The following RSRC1 variants were observed in gnomAD, a reference collection of about 807,000 sequenced individuals.
The protein encoded by RSRC1 is arginine and serine rich coiled-coil 1, also known as serine/Arginine-related protein 53.
In RSRC1, 39 loss-of-function variants were observed where a neutral mutation model predicts 49.1. That is an observed-to-expected ratio of 0.79 (90% CI 0.61 to 1.04). The LOEUF (loss-of-function observed/expected upper bound fraction) is 1.04, where lower values mean the gene tolerates loss of function less well. Ranked by LOEUF, RSRC1 falls within the 50% of genes least tolerant of loss-of-function variation. RSRC1 has a pLI of 0.00. For synonymous variants in RSRC1, 143 were observed against 130.8 expected, an observed-to-expected ratio of 1.09 and a Z score of -0.63; for missense variants, 388 against 402.4, an observed-to-expected ratio of 0.96 and a Z score of 0.31.
intron 5 of RSRC1, among the ~76,000 whole-genome samples, chr3:158,352,560 A>G (rs563931169): frequency 7.7e-4 from 118 of 152,304 alleles, no homozygotes; most frequent in African/African-American, 2.7e-3. Context: ...GGATTTTTCT[A>G]TTAAAGGACA....
chr3:158,147,869 T>A (rs1415045011), intron 3 of RSRC1, among the ~76,000 whole-genome samples: 2 of 152,148 alleles, frequency 1.3e-5, no homozygotes, highest in African/African-American at 2.4e-5. Flanking sequence ...TCAAATTATC[T>A]GTGGTAAAGG....
At chr3:158,430,377 G>T (rs762516543) in intron 6 of RSRC1, among the ~76,000 whole-genome samples, 3 of 151,836 alleles carry the variant, frequency 2.0e-5, no homozygotes, top group Non-Finnish European at 4.4e-5. Flanking sequence ...GACTGGAGCT[G>T]ATCTGCCAGT....
At position 158,185,193 on chromosome 3, in the gene RSRC1, A is replaced by G. The variant is rs142706787; in HGVS notation, c.321-17879A>G. ...TAAATTTGTGCATATGGATTTTACT[A>G]TTTAAGGAAATTTTGAAATGCAGTG... On this transcript the variant is annotated intron_variant, in intron 3 of 9. Coordinates refer to ENST00000611884, the MANE Select transcript of RSRC1 (RefSeq NM_001271838.2). 1.2e-3 allele frequency among the ~76,000 whole-genome samples: 175 copies of G among 152,084 alleles called. 1 individual carries two copies. Among genetic ancestry groups the G allele is most frequent in the African/African-American group, 4.1e-3 (170 of 41,554 alleles).
At chr3:158,437,064 G>A (rs1355645164) in intron 6 of RSRC1, among the ~76,000 whole-genome samples, 1 of 151,510 alleles carries the variant, frequency 6.6e-6, no homozygotes, top group Non-Finnish European at 1.5e-5. Context: ...TTCTATAGAA[G>A]AGGCCATATT....
At chr3:158,457,895 A>G (rs897757323) in intron 6 of RSRC1, among the ~76,000 whole-genome samples, 4 of 152,082 alleles carry the variant, frequency 2.6e-5, no homozygotes, top group African/African-American at 9.7e-5. Context: ...AAAGAAGAGT[A>G]AATGTTTTAC....
At chr3:158,430,064 C>T (rs1232155717) in intron 6 of RSRC1, among the ~76,000 whole-genome samples, 1 of 96,244 alleles carries the variant, frequency 1.0e-5, no homozygotes, top group Non-Finnish European at 2.2e-5. Context: ...TCATAAAAAC[C>T]ACACACACAA....
At chr3:158,165,076 G>A (rs1266333679) in intron 3 of RSRC1, among the ~76,000 whole-genome samples, 1 of 152,144 alleles carries the variant, frequency 6.6e-6, no homozygotes, top group Non-Finnish European at 1.5e-5. Flanking sequence ...CTCACCTTAT[G>A]GCTAGTTAGG....
At chr3:158,461,966 A>T (rs886813912) in intron 7 of RSRC1, among the ~76,000 whole-genome samples, 11 of 149,884 alleles carry the variant, frequency 7.3e-5, no homozygotes, top group African/African-American at 2.2e-4. Context: ...AGAATGCTTA[A>T]AACCCATCAG....
intron 4 of RSRC1, among the ~76,000 whole-genome samples, chr3:158,230,730 G>C (rs1477479676): frequency 6.6e-6 from 1 of 151,868 alleles, no homozygotes; most frequent in Non-Finnish European, 1.5e-5. Context: ...CTTTTCTCTT[G>C]CAGTACTGCA....
intron 6 of RSRC1, among the ~76,000 whole-genome samples, chr3:158,364,927 G>A (rs1035347373): frequency 3.3e-5 from 5 of 151,216 alleles, no homozygotes; most frequent in Admixed American, 2.6e-4. Context: ...TTATAATAAT[G>A]TGTACCTTAT....
intron 4 of RSRC1, among the ~76,000 whole-genome samples, chr3:158,250,543 G>T (rs1349975657): frequency 6.6e-6 from 1 of 152,114 alleles, no homozygotes; most frequent in Non-Finnish European, 1.5e-5. Context: ...TTGTAGTTTG[G>T]ATTTGCTTCT....
rs564762301 is a variant in RSRC1 at position 158,205,626 on chromosome 3, G to A, written c.494+2381G>A. Among the ~76,000 whole-genome samples the A allele has an allele frequency of 2.0e-5, 3 of 152,180 alleles. No individual in the cohort carries two copies. The East Asian group carries it at 5.8e-4, about 29-fold the overall frequency. On this transcript the variant is annotated intron_variant, in intron 4 of 9. Transcript: ENST00000611884. ...AGTAGGAAAAGTAAAAAGAGCTGTGGAAACACTGTACCAGTTAGGATGCTT... is the reference window on the plus strand; with the variant it reads ...AGTAGGAAAAGTAAAAAGAGCTGTGAAAACACTGTACCAGTTAGGATGCTT...
intron 7 of RSRC1, among the ~76,000 whole-genome samples, chr3:158,506,115 A>T (rs955089344): frequency 2.6e-5 from 4 of 152,226 alleles, no homozygotes; most frequent in African/African-American, 9.6e-5. Flanking sequence ...GCATCAACCT[A>T]TAAAGCTTGT....
chr3:158,276,030 C>T lies in RSRC1; in HGVS notation c.495-22009C>T, dbSNP rs973728506. The T allele has an allele frequency of 1.0e-4, 87 of 837,548 alleles. 1 individual carries two copies. The East Asian group carries it at 1.4e-3, about 13-fold the overall frequency. 51.9% of individuals were successfully genotyped at this position (837,548 alleles called of 1,614,324 possible). On this transcript the variant is annotated intron_variant, in intron 4 of 9. Coordinates refer to ENST00000611884, the MANE Select transcript of RSRC1 (RefSeq NM_001271838.2). ...TATGGAATGGATTAATGAGGATAGC[C>T]TCAAAAAATTTCTATGTGGGATCTT...
At chr3:158,414,264 G>A (rs926447095) in intron 6 of RSRC1, among the ~76,000 whole-genome samples, 22 of 152,098 alleles carry the variant, frequency 1.4e-4, no homozygotes, top group African/African-American at 5.3e-4. Flanking sequence ...CATGGATGGA[G>A]CTGGAAGCCA....
At chr3:158,149,222 A>G (rs1159954825) in intron 3 of RSRC1, among the ~76,000 whole-genome samples, 1 of 152,224 alleles carries the variant, frequency 6.6e-6, no homozygotes, top group African/African-American at 2.4e-5. Context: ...ATACTGAATG[A>G]TCATCAAAGC....
At chr3:158,186,262 A>G (rs983594264) in intron 3 of RSRC1, among the ~76,000 whole-genome samples, 42 of 152,046 alleles carry the variant, frequency 2.8e-4, no homozygotes, top group African/African-American at 9.4e-4. Context: ...AAATCTGTCT[A>G]TTTGTTTCAA....
intron 5 of RSRC1, among the ~76,000 whole-genome samples, chr3:158,337,334 C>G (rs1388166565): frequency 6.6e-6 from 1 of 152,188 alleles, no homozygotes; most frequent in Non-Finnish European, 1.5e-5. Context: ...TTTCTGTCCC[C>G]AGTCCCACAT....
At chr3:158,375,503 T>A (rs1472427755) in intron 6 of RSRC1, among the ~76,000 whole-genome samples, 3 of 152,084 alleles carry the variant, frequency 2.0e-5, no homozygotes, top group Admixed American at 2.0e-4. Flanking sequence ...TGAAAGAATT[T>A]TTGTATATCT....
Sources: gnomAD v4.1 joint callset for allele counts (sites outside exome capture counted in the v4.1 genomes callset) on GRCh38, gnomAD v4.1.1 for gene constraint, MANE v1.5 for transcripts, NCBI Gene and HGNC (gene_info 2026-07-23, HGNC 2026-07-21) for gene names.